Variants in MTMR3 observed in about 807,000 individuals in gnomAD.
MTMR3 encodes the protein myotubularin related protein 3.
A neutral mutation model predicts 132.4 loss-of-function variants in MTMR3; 32 were observed. The observed-to-expected ratio is 0.24, with a 90% CI of 0.18 to 0.32. The LOEUF (loss-of-function observed/expected upper bound fraction) is 0.32. Ranked by LOEUF, MTMR3 falls within the 10% of genes least tolerant of loss-of-function variation. The probability of loss-of-function intolerance (pLI) is 1.00; values close to 1 mark genes in which losing one functional copy is unlikely to be tolerated. For synonymous variants in MTMR3, 556 were observed against 550.3 expected, an observed-to-expected ratio of 1.01 and a Z score of -0.14; for missense variants, 1,216 against 1,489.6, an observed-to-expected ratio of 0.82 and a Z score of 3.02.
intron 1 of MTMR3, among the ~76,000 whole-genome samples, chr22:29,925,549 T>A (rs922957993): frequency 6.9e-6 from 1 of 144,988 alleles, no homozygotes; most frequent in African/African-American, 2.8e-5. Context: ...CCTTTTTATT[T>A]GTTTTCTTTA....
chr22:29,918,074 A>G (rs2065342174), intron 1 of MTMR3, among the ~76,000 whole-genome samples: 1 of 152,198 alleles, frequency 6.6e-6, no homozygotes, highest in Non-Finnish European at 1.5e-5. Flanking sequence ...TTAATTTAGA[A>G]AAAATTAGTA....
Position 30,025,878 on chromosome 22 carries a change from G to A in MTMR3, c.*77G>A, listed in dbSNP as rs1470214012. ...CCACTCAACCTGGGCAGACCGAGAGGCCCGTGCACTTTGGAATGGGAGCGT... is the reference window on the plus strand; with the variant it reads ...CCACTCAACCTGGGCAGACCGAGAGACCCGTGCACTTTGGAATGGGAGCGT... On this transcript the variant is annotated 3_prime_UTR_variant, in exon 20 of 20. Coordinates refer to ENST00000401950, the MANE Select transcript of MTMR3 (RefSeq NM_021090.4). The A allele has an allele frequency of 2.6e-6, 4 of 1,510,080 alleles. No individual in the cohort carries two copies. In the Admixed American group the frequency reaches 6.7e-5, roughly 25 times the overall value. 93.5% of individuals were successfully genotyped at this position (1,510,080 alleles called of 1,614,324 possible).
Position 30,013,654 on chromosome 22 carries a change from AT to A in MTMR3, c.1503+120del. ...GCCTCTTCAGAATTTAATAGAGGTG[AT>A]TTTTTTCCTGTTTCTGCTTTTTTTT... is the stretch of plus-strand genomic sequence containing the variant. On this transcript the variant is annotated intron_variant, in intron 14 of 19. Coordinates refer to ENST00000401950, the MANE Select transcript of MTMR3 (RefSeq NM_021090.4). The A allele has an allele frequency of 6.0e-6, 6 of 1,007,494 alleles. No homozygotes were observed. The South Asian group carries it at 8.8e-5, about 15-fold the overall frequency. The allele number at this position is 1,007,494 out of a possible 1,614,324, so 62.4% of individuals were successfully genotyped here.
intron 9 of MTMR3, 88 bp from the exon 10 acceptor site, chr22:30,007,026 C>A: frequency 7.3e-7 from 1 of 1,374,190 alleles, no homozygotes; most frequent in Non-Finnish European, 1.0e-6. Flanking sequence ...TAGAATTAGA[C>A]TGTTCATTAA....
intron 1 of MTMR3, among the ~76,000 whole-genome samples, chr22:29,948,253 C>G (rs563944074): frequency 6.6e-6 from 1 of 152,286 alleles, no homozygotes; most frequent in South Asian, 2.1e-4. Flanking sequence ...AAGAATGCAT[C>G]TGCATTTTCA....
At chr22:29,920,672 C>G (rs1430806703) in intron 1 of MTMR3, among the ~76,000 whole-genome samples, 1 of 150,794 alleles carries the variant, frequency 6.6e-6, no homozygotes, top group African/African-American at 2.4e-5. Flanking sequence ...ATGGATAAAG[C>G]TTTTTTTTTA....
At chr22:29,944,193 C>A (rs932929317) in intron 1 of MTMR3, among the ~76,000 whole-genome samples, 1 of 151,556 alleles carries the variant, frequency 6.6e-6, no homozygotes, top group African/African-American at 2.4e-5. Context: ...TTTCGTGGTT[C>A]CTTTTGAGAC....
rs1392892753 is a variant in MTMR3, at chr22:30,027,647, CTT to C, written c.*1851_*1852del. The C allele has an allele frequency of 6.6e-6, 1 of 152,656 alleles. No homozygotes were observed. The highest frequency in any genetic ancestry group is 1.9e-4 in the East Asian group (1 of 5,324). The allele number at this position is 152,656 out of a possible 1,614,324, so 9.5% of individuals were successfully genotyped here. A position where few individuals can be genotyped will look rare whatever the true frequency, so the allele number is the denominator to read the frequency against. On this transcript the variant is annotated 3_prime_UTR_variant, in exon 20 of 20. Coordinates refer to ENST00000401950, the MANE Select transcript of MTMR3 (RefSeq NM_021090.4). ...GAATAAATGCTTGCAGCTCTTAGCT[CTT>C]TTTTGATCGATGAAGCACTTTTTTA...
At position 30,018,058 on chromosome 22, in the gene MTMR3, TC is replaced by T; in HGVS notation, c.1813del (p.Leu605Ter). ...YPAPGTSPDD[P>X]PLSRLPKTRS... ...CAGCCCCAGGCACCAGCCCTGATGATCCCCCCCTGAGCCGGTGAGCCCAGGG... is the reference window on the plus strand; with the variant it reads ...CAGCCCCAGGCACCAGCCCTGATGATCCCCCCTGAGCCGGTGAGCCCAGGG... On this transcript the variant is annotated frameshift_variant, in exon 16 of 20. Coordinates refer to ENST00000401950, the MANE Select transcript of MTMR3 (RefSeq NM_021090.4). LOFTEE classifies it high-confidence loss of function. 18 of 1,607,404 alleles carry T rather than the reference TC, an allele frequency of 1.1e-5. No individual in the cohort carries two copies. Among genetic ancestry groups the T allele is most frequent in the Middle Eastern group, 1.7e-4 (1 of 6,032 alleles).
chr22:29,919,667 C>T (rs941930970), intron 1 of MTMR3, among the ~76,000 whole-genome samples: 2 of 151,726 alleles, frequency 1.3e-5, no homozygotes, highest in Admixed American at 6.6e-5. Flanking sequence ...AGACTACAGG[C>T]ATGTGCCACC....
intron 1 of MTMR3, among the ~76,000 whole-genome samples, chr22:29,916,570 A>C (rs75009362): frequency 8.6e-6 from 1 of 115,862 alleles, no homozygotes; most frequent in African/African-American, 3.0e-5. Context: ...GTTCGGTGCT[A>C]TTGTTCAGCA....
At chr22:29,955,515 C>G (rs971345868) in intron 1 of MTMR3, among the ~76,000 whole-genome samples, 2 of 152,138 alleles carry the variant, frequency 1.3e-5, no homozygotes, top group Admixed American at 6.5e-5. Context: ...ATACTAAATA[C>G]TTAATAGCAA....
intron 2 of MTMR3, among the ~76,000 whole-genome samples, chr22:29,961,480 A>T (rs1167500563): frequency 6.6e-6 from 1 of 152,092 alleles, no homozygotes; most frequent in Non-Finnish European, 1.5e-5. Context: ...CACCCCACCC[A>T]TTTTGGGGGT....
At chr22:29,923,324 G>C (rs541501125) in intron 1 of MTMR3, among the ~76,000 whole-genome samples, 2 of 150,900 alleles carry the variant, frequency 1.3e-5, no homozygotes, top group Admixed American at 6.6e-5. Context: ...CACCCTCCTC[G>C]GCCTCTCAAA....
At chr22:29,894,466 AAC>A (rs1477619503) in intron 1 of MTMR3, among the ~76,000 whole-genome samples, 2 of 151,572 alleles carry the variant, frequency 1.3e-5, no homozygotes, top group African/African-American at 4.9e-5. Flanking sequence ...GCACTCTGTA[AAC>A]ACAGAACTCA....
At chr22:29,912,465 G>A (rs1038553518) in intron 1 of MTMR3, among the ~76,000 whole-genome samples, 3 of 152,076 alleles carry the variant, frequency 2.0e-5, no homozygotes, top group Admixed American at 2.0e-4. Flanking sequence ...AAAATTTTTA[G>A]TAGAGATGGG....
chr22:29,906,040 AG>A (rs1405850129), intron 1 of MTMR3, among the ~76,000 whole-genome samples: 1 of 151,514 alleles, frequency 6.6e-6, no homozygotes, highest in Non-Finnish European at 1.5e-5. Context: ...TTTTCTTTTG[AG>A]GTGGGGTTCT....
intron 13 of MTMR3, 158 bp downstream of exon 13, chr22:30,012,721 C>T (rs41162): frequency 0.25 from 177,918 of 702,848 alleles, 24,190 homozygotes; most frequent in Middle Eastern, 0.37. Flanking sequence ...TGTGGTGGTT[C>T]CTCCCACAGT....
chr22:29,904,033 AG>A (rs1344817862), intron 1 of MTMR3, among the ~76,000 whole-genome samples: 2 of 152,174 alleles, frequency 1.3e-5, no homozygotes, highest in East Asian at 3.9e-4. Flanking sequence ...TGGGAATTGC[AG>A]GTTAACCGTT....
Sources: allele counts gnomAD v4.1 joint callset (sites outside exome capture counted in the v4.1 genomes callset), GRCh38; gene constraint gnomAD v4.1.1; transcripts MANE v1.5; gene names NCBI Gene and HGNC (gene_info 2026-07-23, HGNC 2026-07-21).